The following DDC variants were observed in gnomAD, a reference collection of about 807,000 sequenced individuals.
DDC encodes aromatic-L-amino-acid decarboxylase.
A neutral mutation model predicts 60.0 loss-of-function variants in DDC; 43 were observed. The ratio of observed to expected loss-of-function variants is 0.72; its 90% confidence interval spans 0.56 to 0.92. The LOEUF (loss-of-function observed/expected upper bound fraction) is 0.92. DDC is among the 40% of genes least tolerant of loss of function. The probability of loss-of-function intolerance (pLI) is 0.00; values close to 1 mark genes in which losing one functional copy is unlikely to be tolerated. For synonymous variants in DDC, 232 were observed against 234.6 expected (o/e 0.99, Z 0.10); for missense variants, 573 against 620.2 (o/e 0.92, Z 0.81).
chr7:50,558,927 G>T (rs1022556219), intron 1 of DDC, among the ~76,000 whole-genome samples: 1 of 152,166 alleles, frequency 6.6e-6, no homozygotes, highest in Non-Finnish European at 1.5e-5. Flanking sequence ...TGCTGAGCCC[G>T]CAGACACACG....
intron 1 of DDC, among the ~76,000 whole-genome samples, chr7:50,558,576 G>A (rs563114837): frequency 2.0e-5 from 3 of 152,282 alleles, no homozygotes; most frequent in Non-Finnish European, 2.9e-5. Context: ...TGATAAGCTC[G>A]TGGTATACAT....
At chr7:50,484,392 T>G (rs1163874827) in intron 9 of DDC, among the ~76,000 whole-genome samples, 1 of 152,214 alleles carries the variant, frequency 6.6e-6, no homozygotes, top group East Asian at 1.9e-4. Flanking sequence ...GGCTTTCCTC[T>G]TTTCAATTGA....
At chr7:50,496,709 C>A (rs191179330) in intron 8 of DDC, among the ~76,000 whole-genome samples, 3 of 152,112 alleles carry the variant, frequency 2.0e-5, no homozygotes, top group African/African-American at 7.2e-5. Flanking sequence ...ATAATTGATA[C>A]CGAAATAAAG....
chr7:50,510,211 A>G (rs982801280), intron 6 of DDC, among the ~76,000 whole-genome samples: 2 of 151,976 alleles, frequency 1.3e-5, no homozygotes, highest in African/African-American at 4.8e-5. Flanking sequence ...TCCTGACCTC[A>G]TGATCCGCCC....
intron 11 of DDC, among the ~76,000 whole-genome samples, chr7:50,472,404 A>G (rs2042553914): frequency 6.6e-6 from 1 of 152,220 alleles, no homozygotes; most frequent in Non-Finnish European, 1.5e-5. Context: ...CCGGACATCA[A>G]ATGATCTATT....
At chr7:50,503,029 G>A (rs144812936) in intron 7 of DDC, among the ~76,000 whole-genome samples, 12 of 152,324 alleles carry the variant, frequency 7.9e-5, no homozygotes, top group Admixed American at 5.9e-4. Context: ...GGAGGCCAAC[G>A]CCCAGGAGAG....
chr7:50,509,428 C>A (rs1410708398), intron 6 of DDC, among the ~76,000 whole-genome samples: 1 of 152,204 alleles, frequency 6.6e-6, no homozygotes, highest in Non-Finnish European at 1.5e-5. Context: ...TCCACCAGCT[C>A]CTTCACATGC....
intron 6 of DDC, among the ~76,000 whole-genome samples, chr7:50,516,428 G>A (rs550565900): frequency 6.6e-6 from 1 of 152,176 alleles, no homozygotes; most frequent in African/African-American, 2.4e-5. Context: ...CAGCAAAGGG[G>A]ATGCTAAGAG....
chr7:50,552,694 A>G (rs138348601), intron 1 of DDC, among the ~76,000 whole-genome samples: 199 of 152,358 alleles, frequency 1.3e-3, no homozygotes, highest in African/African-American at 4.6e-3. Flanking sequence ...AGGACCAGTC[A>G]GGGGCCCTGG....
At chr7:50,552,786 T>C (rs1293113830) in intron 1 of DDC, among the ~76,000 whole-genome samples, 1 of 152,170 alleles carries the variant, frequency 6.6e-6, no homozygotes, top group African/African-American at 2.4e-5. Flanking sequence ...GTTTCTGTAA[T>C]ATACCCTATT....
intron 9 of DDC, among the ~76,000 whole-genome samples, chr7:50,492,493 ATAT>A (rs947369663): frequency 2.0e-5 from 3 of 152,136 alleles, no homozygotes; most frequent in African/African-American, 7.2e-5. Flanking sequence ...ATTTAAAAAC[ATAT>A]TTTGTAGCCT....
Position 50,489,372 on chromosome 7 carries a change from C to T in DDC, c.944+5978G>A, listed in dbSNP as rs550891228. Among the ~76,000 whole-genome samples, 42 of 152,300 alleles carry T rather than the reference C, an allele frequency of 2.8e-4. 1 individual carries two copies. Among genetic ancestry groups the T allele is most frequent in the Middle Eastern group, 3.4e-3 (1 of 294 alleles). The stretch of plus-strand genomic sequence containing the variant: ...TCTATGAAATAGAAAACTTATAACA[C>T]AGGATGCACTCTTCCTATGTCTAAC... On this transcript the variant is annotated intron_variant, in intron 9 of 14. Coordinates refer to ENST00000444124, the MANE Select transcript of DDC (RefSeq NM_001082971.2).
At chr7:50,556,430 T>A (rs1431265237) in intron 1 of DDC, among the ~76,000 whole-genome samples, 1 of 152,098 alleles carries the variant, frequency 6.6e-6, no homozygotes, top group Admixed American at 6.6e-5. Flanking sequence ...CATGACCTAA[T>A]CATCTCTCAA....
At chr7:50,562,267 C>A (rs1308457253) in intron 1 of DDC, among the ~76,000 whole-genome samples, 6 of 152,212 alleles carry the variant, frequency 3.9e-5, no homozygotes, top group Non-Finnish European at 8.8e-5. Flanking sequence ...TCAGCCTGTG[C>A]ATAAGCAGCT....
chr7:50,468,733 T>C (rs2042456920), intron 12 of DDC, among the ~76,000 whole-genome samples: 1 of 152,134 alleles, frequency 6.6e-6, no homozygotes, highest in Non-Finnish European at 1.5e-5. Context: ...GGAGGGCTGT[T>C]ACCATCACTA....
chr7:50,503,803 C>T (rs749614992), intron 7 of DDC, among the ~76,000 whole-genome samples, 190 bp downstream of exon 7: 1 of 152,038 alleles, frequency 6.6e-6, no homozygotes, highest in African/African-American at 2.4e-5. Context: ...CAGTTCTTTT[C>T]CAATTAGCCC....
chr7:50,465,561 G>A (rs547858261), intron 13 of DDC, among the ~76,000 whole-genome samples: 27 of 152,264 alleles, frequency 1.8e-4, no homozygotes, highest in African/African-American at 6.3e-4. Flanking sequence ...TAGTAGAGAC[G>A]AGGTTTCACC....
intron 14 of DDC, among the ~76,000 whole-genome samples, chr7:50,462,226 CAAAAAAA>C (rs11410259): frequency 0.1 from 7,811 of 75,582 alleles, 221 homozygotes; most frequent in Middle Eastern, 0.22. Context: ...GACAAAAAGA[CAAAAAAA>C]AAAAAAAAAA....
At chr7:50,498,475 T>A (rs2043173617) in intron 8 of DDC, among the ~76,000 whole-genome samples, 1 of 152,228 alleles carries the variant, frequency 6.6e-6, no homozygotes. Flanking sequence ...TCCTACCCTA[T>A]GAGCCACCAC....
Sources: gnomAD v4.1 joint callset for allele counts (sites outside exome capture counted in the v4.1 genomes callset) on GRCh38, gnomAD v4.1.1 for gene constraint, MANE v1.5 for transcripts, NCBI Gene and HGNC (gene_info 2026-07-23, HGNC 2026-07-21) for gene names.